EDA: variants seen among roughly 807,000 people sequenced by gnomAD.
EDA encodes the protein ectodysplasin A, also known as ectodysplasin-A.
In EDA, 2 loss-of-function variants were observed where a neutral mutation model predicts 23.6. The ratio of observed to expected loss-of-function variants is 0.08; its 90% CI spans 0.03 to 0.27. The LOEUF is 0.27. Ranked by LOEUF, EDA falls within the 10% of genes least tolerant of loss-of-function variation. EDA has a pLI of 1.00. For missense variants in EDA, 229 were observed against 324.2 expected, an observed-to-expected ratio of 0.71 and a Z score of 2.26; for synonymous variants, 131 against 132.0, an observed-to-expected ratio of 0.99 and a Z score of 0.05.
In EDA at chrX:69,937,635, T is replaced by C. The variant is rs750253708; in HGVS notation, c.397-19392T>C. The C allele has an allele frequency of 1.8e-5, 20 of 1,107,537 alleles. No homozygotes were observed. In the African/African-American group the frequency reaches 3.3e-4, roughly 18 times the overall value. 91.3% of individuals were successfully genotyped at this position (1,107,537 alleles called of 1,213,427 possible). On this transcript the variant is annotated intron_variant, in intron 1 of 7. Coordinates refer to ENST00000374552, the MANE Select transcript of EDA (RefSeq NM_001399.5). ...AAAGTACTGGGTCTCAATTCCTTCC[T>C]CATCATGTTTTTTAAACTGGATACC...
chrX:70,006,956 A>C (rs1226251555), intron 2 of EDA, among the ~76,000 whole-genome samples: 1 of 111,267 alleles, frequency 9.0e-6, no homozygotes, highest in East Asian at 2.8e-4. Context: ...AAAGTTGTCT[A>C]GATTTTTTTG....
chrX:69,697,313 C>T (rs991037610), intron 1 of EDA, among the ~76,000 whole-genome samples: 4 of 111,552 alleles, frequency 3.6e-5, no homozygotes, highest in African/African-American at 1.3e-4. Flanking sequence ...CTTCTGCTAT[C>T]TTGCTGAGGC....
intron 2 of EDA, among the ~76,000 whole-genome samples, chrX:69,973,977 T>C (rs1223733368): frequency 9.1e-6 from 1 of 110,184 alleles, no homozygotes; most frequent in Non-Finnish European, 1.9e-5. Context: ...TCCTAAAATA[T>C]TAAATGTAGC....
chrX:69,903,620 T>C (rs867213740), intron 1 of EDA, among the ~76,000 whole-genome samples: 3 of 103,584 alleles, frequency 2.9e-5, no homozygotes, highest in African/African-American at 7.2e-5. Context: ...CACACACACA[T>C]ATCTTGGGGA....
Position 69,865,871 on chromosome X carries a change from C to T in EDA, c.397-91156C>T, listed in dbSNP as rs188342195. 2.0e-3 allele frequency among the ~76,000 whole-genome samples: 224 copies of T among 112,210 alleles called. 2 individuals are homozygous for T. Among genetic ancestry groups the T allele is most frequent in the African/African-American group, 6.0e-3 (186 of 30,924 alleles). The stretch of plus-strand genomic sequence containing the variant: ...TAAAGTTAACACTTAAATGCTGATA[C>T]GAAGTCAGTAAGTCTTACGTCACAT... On this transcript the variant is annotated intron_variant, in intron 1 of 7. Coordinates refer to ENST00000374552, the MANE Select transcript of EDA (RefSeq NM_001399.5).
intron 1 of EDA, among the ~76,000 whole-genome samples, chrX:69,705,688 AACAGGGAG>A (rs1265907301): frequency 4.5e-5 from 5 of 112,232 alleles, no homozygotes; most frequent in African/African-American, 1.6e-4. Flanking sequence ...TTGGGGGACC[AACAGGGAG>A]TCCCTCTGGT....
chrX:69,730,878 A>G (rs960168431), intron 1 of EDA, among the ~76,000 whole-genome samples: 5 of 112,547 alleles, frequency 4.4e-5, no homozygotes, highest in African/African-American at 1.6e-4. Context: ...TTATCCTGGG[A>G]AGATACTCAC....
rs1040934898 is a variant in EDA, at chrX:69,962,106, A to C, written c.502+4974A>C. ...CCATATTTCACAAATATTATTGTAA[A>C]AACATCTGTTCTCTTCCGATAGGAG... On this transcript the variant is annotated intron_variant, in intron 2 of 7. Transcript: ENST00000374552. 2.7e-5 allele frequency among the ~76,000 whole-genome samples: 3 copies of C among 112,573 alleles called. No individual in the cohort carries two copies. The Admixed American group carries it at 2.8e-4, about 11-fold the overall frequency.
intron 1 of EDA, among the ~76,000 whole-genome samples, chrX:69,635,566 C>T (rs773864110): frequency 2.0e-4 from 13 of 63,462 alleles, no homozygotes; most frequent in African/African-American, 7.4e-4. Flanking sequence ...AACACCAAAT[C>T]TTTTTTTTTT....
intron 1 of EDA, among the ~76,000 whole-genome samples, chrX:69,839,646 A>C (rs1602470544): frequency 8.9e-6 from 1 of 112,352 alleles, no homozygotes; most frequent in East Asian, 2.8e-4. Context: ...AGACTAAGTC[A>C]AACTCCCTCT....
In EDA at chrX:69,683,242, A is replaced by G. The variant is rs1032004434; in HGVS notation, c.396+66538A>G. 4.5e-5 allele frequency among the ~76,000 whole-genome samples: 5 copies of G among 111,354 alleles called. No individual in the cohort carries two copies. In the East Asian group the frequency reaches 1.4e-3, roughly 31 times the overall value. On this transcript the variant is annotated intron_variant, in intron 1 of 7. Coordinates refer to ENST00000374552, the MANE Select transcript of EDA (RefSeq NM_001399.5). ...ATTGTCTCTTTCTCTCCCCACTGTAATATCAGGTCTGTGAGGGCAGGGATT... is the reference window on the plus strand; with the variant it reads ...ATTGTCTCTTTCTCTCCCCACTGTAGTATCAGGTCTGTGAGGGCAGGGATT...
chrX:69,909,542 G>A (rs192053562), intron 1 of EDA, among the ~76,000 whole-genome samples: 38 of 112,305 alleles, frequency 3.4e-4, no homozygotes, highest in Admixed American at 6.6e-4. Flanking sequence ...CAAGTGATCC[G>A]TTCACCTTGG....
At chrX:69,795,760 G>A (rs2015526176) in intron 1 of EDA, among the ~76,000 whole-genome samples, 2 of 112,750 alleles carry the variant, frequency 1.8e-5, no homozygotes, top group African/African-American at 6.5e-5. Context: ...CAAAGCCACA[G>A]CATGGCCAGT....
chrX:69,753,409 A>C (rs1198723010), intron 1 of EDA, among the ~76,000 whole-genome samples: 1 of 111,995 alleles, frequency 8.9e-6, no homozygotes, highest in Non-Finnish European at 1.9e-5. Context: ...CTTAATCCTG[A>C]GTTCTAGTTT....
At chrX:69,838,997 A>G (rs747128321) in intron 1 of EDA, among the ~76,000 whole-genome samples, 41 of 112,141 alleles carry the variant, frequency 3.7e-4, no homozygotes, top group Admixed American at 1.5e-3. Flanking sequence ...CCTCCTGTCC[A>G]TATAGGCAGA....
At chrX:69,943,987 A>G (rs756019323) in intron 1 of EDA, among the ~76,000 whole-genome samples, 9 of 109,162 alleles carry the variant, frequency 8.2e-5, no homozygotes. Context: ...CTGCCTGGCT[A>G]TTGCCAGTGT....
intron 1 of EDA, among the ~76,000 whole-genome samples, chrX:69,643,804 C>G (rs1247884569): frequency 4.5e-5 from 5 of 111,656 alleles, no homozygotes; most frequent in African/African-American, 1.6e-4. Flanking sequence ...TGGAAGGTGT[C>G]CAATTTCAAT....
chrX:70,020,743 T>A (rs1295866120), intron 2 of EDA, among the ~76,000 whole-genome samples: 1 of 111,995 alleles, frequency 8.9e-6, no homozygotes, highest in East Asian at 2.8e-4. Context: ...TTATCAAAGA[T>A]GATTAAACGC....
intron 2 of EDA, among the ~76,000 whole-genome samples, chrX:70,002,234 G>T (rs1342967208): frequency 9.1e-6 from 1 of 110,098 alleles, no homozygotes; most frequent in Non-Finnish European, 1.9e-5. Flanking sequence ...AAGAAAAGCA[G>T]GGGCCTGAAA....
Sources: gnomAD v4.1 joint callset for allele counts (sites outside exome capture counted in the v4.1 genomes callset) on GRCh38, gnomAD v4.1.1 for gene constraint, MANE v1.5 for transcripts, NCBI Gene and HGNC (gene_info 2026-07-23, HGNC 2026-07-21) for gene names.